The following DDHD1 variants were observed in gnomAD, a reference collection of about 807,000 sequenced individuals.
DDHD1 encodes DDHD domain containing 1, also known as phospholipase DDHD1.
Under a neutral mutation model 96.4 loss-of-function variants are expected in DDHD1, and 49 were observed. That is an observed-to-expected ratio of 0.51 (90% CI 0.40 to 0.64). DDHD1 has a LOEUF of 0.64. DDHD1 is among the 30% of genes least tolerant of loss of function. The probability of loss-of-function intolerance (pLI) is 0.00; values close to 1 mark genes in which losing one functional copy is unlikely to be tolerated. For missense variants in DDHD1, 1,106 were observed against 1,161.2 expected, an observed-to-expected ratio of 0.95 and a Z score of 0.69; for synonymous variants, 442 against 446.5, an observed-to-expected ratio of 0.99 and a Z score of 0.13.
At chr14:53,104,624 A>G (rs1244308397) in intron 1 of DDHD1, among the ~76,000 whole-genome samples, 2 of 149,434 alleles carry the variant, frequency 1.3e-5, no homozygotes, top group Non-Finnish European at 1.5e-5. Flanking sequence ...TACTTTAGGG[A>G]AAAAAAATCA....
chr14:53,077,941 T>C (rs1471889111), intron 4 of DDHD1, among the ~76,000 whole-genome samples: 1 of 152,138 alleles, frequency 6.6e-6, no homozygotes, highest in East Asian at 1.9e-4. Flanking sequence ...CTCATCCATG[T>C]TGCATCATAA....
At chr14:53,072,154 T>C (rs568151466) in intron 6 of DDHD1, among the ~76,000 whole-genome samples, 68 of 152,222 alleles carry the variant, frequency 4.5e-4, no homozygotes, top group African/African-American at 1.6e-3. Flanking sequence ...GATTCTCTCA[T>C]CTTCTTGAAT....
chr14:53,125,676 A>G (rs1595226177), intron 1 of DDHD1, among the ~76,000 whole-genome samples: 1 of 151,250 alleles, frequency 6.6e-6, no homozygotes, highest in Non-Finnish European at 1.5e-5. Context: ...AGTCAGAATC[A>G]CCTGAGGAAT....
intron 4 of DDHD1, among the ~76,000 whole-genome samples, chr14:53,085,207 CA>C (rs777343137): frequency 4.6e-5 from 7 of 152,204 alleles, no homozygotes; most frequent in Non-Finnish European, 8.8e-5. Flanking sequence ...CATAGCTGAA[CA>C]AAAGGCAGCA....
intron 1 of DDHD1, among the ~76,000 whole-genome samples, chr14:53,114,744 T>G (rs947234561): frequency 6.6e-6 from 1 of 152,076 alleles, no homozygotes; most frequent in Non-Finnish European, 1.5e-5. Flanking sequence ...AGATCAAAGG[T>G]AGATAAATCC....
chr14:53,062,937 T>C lies in DDHD1; in HGVS notation c.1766+6A>G. 6.2e-7 allele frequency: 1 copy of C among 1,607,326 alleles called. No individual in the cohort carries two copies. Among genetic ancestry groups the C allele is most frequent in the East Asian group, 2.2e-5 (1 of 44,758 alleles). On this transcript the variant is annotated splice_donor_region_variant and intron_variant, in intron 7 of 12. Transcript: ENST00000673822. ...AAAAATTTTTCAAAAGATGAGGATATTTTACCGTCGTTTAGTTATATAGAG... is the reference window on the plus strand; with the variant it reads ...AAAAATTTTTCAAAAGATGAGGATACTTTACCGTCGTTTAGTTATATAGAG...
chr14:53,064,869 G>C (rs1313651306), intron 6 of DDHD1, among the ~76,000 whole-genome samples: 3 of 152,078 alleles, frequency 2.0e-5, no homozygotes, highest in Admixed American at 2.0e-4. Context: ...CCGCTCATCA[G>C]TGAAAGGAGA....
intron 5 of DDHD1, 55 bp downstream of exon 5, chr14:53,073,686 T>C (rs1884716358): frequency 1.4e-6 from 2 of 1,463,780 alleles, no homozygotes; most frequent in Non-Finnish European, 1.9e-6. Flanking sequence ...TTTCTGCATT[T>C]ATTTTGGTAA....
At position 53,093,599 on chromosome 14, in the gene DDHD1, T is replaced by G. The variant is rs1886624928; in HGVS notation, c.1013-155A>C. The G allele has an allele frequency of 5.2e-6, 5 of 963,172 alleles. No homozygotes were observed. The South Asian group carries it at 8.9e-5, about 17-fold the overall frequency. 59.7% of individuals were successfully genotyped at this position (963,172 alleles called of 1,614,324 possible). On this transcript the variant is annotated intron_variant, in intron 2 of 12. Transcript: ENST00000673822. ...AAACACTATTTCACATAAAAAAAGT[T>G]ATGTGAAGCAAGTAATGGATAGGGA...
chr14:53,057,097 A>G (rs754590926), intron 9 of DDHD1, among the ~76,000 whole-genome samples: 6 of 152,160 alleles, frequency 3.9e-5, no homozygotes, highest in Non-Finnish European at 7.4e-5. Context: ...TTTGAATCTT[A>G]TATTAAACTT....
At chr14:53,152,113 G>T (rs1434713454) in intron 1 of DDHD1, 148 bp downstream of exon 1, 3 of 833,622 alleles carry the variant, frequency 3.6e-6, no homozygotes. Flanking sequence ...AGCTGCCGAC[G>T]CTCCCTGCTC....
intron 12 of DDHD1, among the ~76,000 whole-genome samples, chr14:53,047,471 C>T (rs1882117222): frequency 6.6e-6 from 1 of 152,158 alleles, no homozygotes; most frequent in South Asian, 2.1e-4. Context: ...TTCTTCTCTA[C>T]TAGGCTGAAT....
chr14:53,127,325 T>C (rs373841216), intron 1 of DDHD1, among the ~76,000 whole-genome samples: 19 of 152,200 alleles, frequency 1.2e-4, no homozygotes, highest in African/African-American at 4.6e-4. Context: ...AGAACTGGGT[T>C]AAGGACTCAG....
intron 1 of DDHD1, among the ~76,000 whole-genome samples, chr14:53,107,664 A>C (rs1487739451): frequency 3.9e-5 from 6 of 152,056 alleles, no homozygotes; most frequent in Non-Finnish European, 2.9e-5. Flanking sequence ...GGTGGTACAC[A>C]CCTATAGTCC....
Position 53,040,276 on chromosome 14 carries a change from C to T in DDHD1, c.*6492G>A, listed in dbSNP as rs1275154925. 6.6e-6 allele frequency: 1 copy of T among 152,158 alleles called. No homozygotes were observed. The highest frequency in any genetic ancestry group is 1.5e-5 in the Non-Finnish European group (1 of 68,036). 9.4% of individuals were successfully genotyped at this position (152,158 alleles called of 1,614,324 possible). ...TTTCTAATATATAAGTGTACTTTATCCTCTGATGTTCTAGAGGGAGTTGTG... is the reference window on the plus strand; with the variant it reads ...TTTCTAATATATAAGTGTACTTTATTCTCTGATGTTCTAGAGGGAGTTGTG... On this transcript the variant is annotated 3_prime_UTR_variant, in exon 13 of 13. Transcript: ENST00000673822.
rs1437276007 is a variant in DDHD1, at chr14:53,046,628, A to G, written c.*140T>C. On this transcript the variant is annotated 3_prime_UTR_variant, in exon 13 of 13. Transcript: ENST00000673822. Reference sequence around the variant, plus strand: ...GAAAACTTCTTTTTTTTTTAAATAAAGTGCTTTTAAATTCAAATATATGTT... The same window carrying G: ...GAAAACTTCTTTTTTTTTTAAATAAGGTGCTTTTAAATTCAAATATATGTT... The G allele has an allele frequency of 8.1e-6, 4 of 494,332 alleles. No individual in the cohort carries two copies. Among genetic ancestry groups the G allele is most frequent in the Non-Finnish European group, 1.4e-5 (4 of 291,204 alleles). 30.6% of individuals were successfully genotyped at this position (494,332 alleles called of 1,614,324 possible).
At chr14:53,122,972 C>A (rs1889119386) in intron 1 of DDHD1, among the ~76,000 whole-genome samples, 2 of 151,716 alleles carry the variant, frequency 1.3e-5, no homozygotes. Context: ...AAATAGTTAA[C>A]AAAACTATAA....
chr14:53,052,333 T>C (rs545967418), intron 11 of DDHD1, among the ~76,000 whole-genome samples: 1 of 152,014 alleles, frequency 6.6e-6, no homozygotes, highest in Non-Finnish European at 1.5e-5. Flanking sequence ...GTTCTTCACA[T>C]AAAGAAACAG....
rs890233925 is a variant in DDHD1, at chr14:53,046,547, G to T, written c.*221C>A. ...GGTCTTGCTTGATTCTCTGGAGAAG[G>T]TTTTGTCAGACTCATAATTAAAATG... On this transcript the variant is annotated 3_prime_UTR_variant, in exon 13 of 13. Coordinates refer to ENST00000673822, the MANE Select transcript of DDHD1 (RefSeq NM_001160148.2). 2 of 331,096 alleles carry T rather than the reference G, an allele frequency of 6.0e-6. No homozygotes were observed. The highest frequency in any genetic ancestry group is 4.8e-5 in the Admixed American group (1 of 20,798). 20.5% of individuals were successfully genotyped at this position (331,096 alleles called of 1,614,324 possible).
Sources: gnomAD v4.1 joint callset for allele counts (sites outside exome capture counted in the v4.1 genomes callset) on GRCh38, gnomAD v4.1.1 for gene constraint, MANE v1.5 for transcripts, NCBI Gene and HGNC (gene_info 2026-07-23, HGNC 2026-07-21) for gene names.